Variants in PCDH9 observed in about 807,000 individuals in gnomAD.
PCDH9 encodes the protein protocadherin-9.
In PCDH9, 24 loss-of-function variants were observed where a neutral mutation model predicts 70.6. The ratio of observed to expected loss-of-function variants is 0.34; its 90% CI spans 0.25 to 0.48. The LOEUF (loss-of-function observed/expected upper bound fraction) is 0.48, where lower values mean the gene tolerates loss of function less well. Among genes scored for constraint, PCDH9 ranks in the 20% least tolerant of loss-of-function variants. The pLI is 0.99. For missense variants in PCDH9, 1,281 were observed against 1,503.6 expected (o/e 0.85, Z 2.45); for synonymous variants, 562 against 558.5 (o/e 1.01, Z -0.09).
At chr13:67,210,747 G>C (rs566613503) in intron 2 of PCDH9, 1 of 152,098 alleles carries the variant, frequency 6.6e-6, no homozygotes, top group East Asian at 1.9e-4. Context: ...TAGCCAAAAA[G>C]AGAGAAAATA....
intron 2 of PCDH9, among the ~76,000 whole-genome samples, chr13:67,140,978 C>A (rs1178887397): frequency 6.6e-6 from 1 of 151,914 alleles, no homozygotes; most frequent in Non-Finnish European, 1.5e-5. Context: ...GTAATATTTA[C>A]TCTCTTGCTA....
intron 4 of PCDH9, among the ~76,000 whole-genome samples, chr13:66,622,105 G>A (rs927620599): frequency 5.9e-5 from 9 of 152,244 alleles, no homozygotes; most frequent in Non-Finnish European, 8.8e-5. Flanking sequence ...AGCGGCTGCA[G>A]AGTGTGTACT....
intron 3 of PCDH9, among the ~76,000 whole-genome samples, chr13:66,870,242 G>T (rs542168458): frequency 2.6e-5 from 4 of 152,202 alleles, no homozygotes; most frequent in South Asian, 2.1e-4. Flanking sequence ...TAGATATGCG[G>T]TGTTATTTCT....
chr13:66,337,101 G>A (rs1174856785), intron 4 of PCDH9, among the ~76,000 whole-genome samples: 1 of 151,848 alleles, frequency 6.6e-6, no homozygotes, highest in African/African-American at 2.4e-5. Context: ...TAAGTAGATG[G>A]TGTGATGAGT....
intron 2 of PCDH9, among the ~76,000 whole-genome samples, chr13:67,101,233 T>C (rs1287658481): frequency 6.6e-6 from 1 of 152,226 alleles, no homozygotes; most frequent in East Asian, 1.9e-4. Flanking sequence ...AATCTGATTA[T>C]AAGTCCATAT....
At chr13:66,449,284 TC>T (rs1201131427) in intron 4 of PCDH9, among the ~76,000 whole-genome samples, 2 of 152,212 alleles carry the variant, frequency 1.3e-5, no homozygotes, top group African/African-American at 4.8e-5. Context: ...GAATATCATT[TC>T]AGGATTAAAT....
At chr13:67,097,323 A>G (rs537828445) in intron 2 of PCDH9, among the ~76,000 whole-genome samples, 1 of 152,224 alleles carries the variant, frequency 6.6e-6, no homozygotes, top group East Asian at 1.9e-4. Flanking sequence ...ACTAAAAGCT[A>G]TCCTGTTAAT....
chr13:66,722,099 G>A (rs1339387093), intron 3 of PCDH9, among the ~76,000 whole-genome samples: 1 of 152,152 alleles, frequency 6.6e-6, no homozygotes, highest in East Asian at 1.9e-4. Context: ...GCAGTACTTA[G>A]AGTGACCTAG....
intron 4 of PCDH9, among the ~76,000 whole-genome samples, chr13:66,590,028 A>C (rs9540833): frequency 0.75 from 113,237 of 151,832 alleles, 43,645 homozygotes; most frequent in East Asian, 0.91. Context: ...GTCATGAACC[A>C]ATTGGCTGCC....
At chr13:66,328,798 A>T (rs905898731) in intron 4 of PCDH9, among the ~76,000 whole-genome samples, 2 of 152,144 alleles carry the variant, frequency 1.3e-5, no homozygotes, top group African/African-American at 4.8e-5. Flanking sequence ...TTAGACAAAG[A>T]TATTGAATTG....
At chr13:66,440,881 C>T (rs2138400830) in intron 4 of PCDH9, among the ~76,000 whole-genome samples, 1 of 152,152 alleles carries the variant, frequency 6.6e-6, no homozygotes, top group South Asian at 2.1e-4. Context: ...GAGACTGTAC[C>T]TGTCTTGTTT....
intron 2 of PCDH9, among the ~76,000 whole-genome samples, chr13:67,163,047 G>A (rs1171298483): frequency 1.3e-5 from 2 of 152,148 alleles, no homozygotes; most frequent in East Asian, 3.8e-4. Flanking sequence ...TATATAGATA[G>A]TAACACTTTT....
chr13:66,728,861 A>G (rs997886229), intron 3 of PCDH9, among the ~76,000 whole-genome samples: 1 of 151,960 alleles, frequency 6.6e-6, no homozygotes, highest in African/African-American at 2.4e-5. Context: ...TTTTTAATTC[A>G]CTTTATGTGT....
chr13:66,475,263 C>T (rs763504310), intron 4 of PCDH9, among the ~76,000 whole-genome samples: 2 of 152,042 alleles, frequency 1.3e-5, no homozygotes, highest in Non-Finnish European at 2.9e-5. Flanking sequence ...GTATAAAGCA[C>T]ACTTGCTGGC....
chr13:67,194,384 T>C (rs1279161203), intron 2 of PCDH9, among the ~76,000 whole-genome samples: 1 of 151,736 alleles, frequency 6.6e-6, no homozygotes, highest in Non-Finnish European at 1.5e-5. Context: ...TTTTTTGTAT[T>C]TGATTTTCCA....
chr13:67,031,345 C>G (rs2084902188), intron 2 of PCDH9, among the ~76,000 whole-genome samples: 1 of 152,076 alleles, frequency 6.6e-6, no homozygotes, highest in Non-Finnish European at 1.5e-5. Flanking sequence ...AATTCTTTTC[C>G]TACCTGTAAA....
chr13:67,087,823 C>A (rs1382700409), intron 2 of PCDH9, among the ~76,000 whole-genome samples: 2 of 151,992 alleles, frequency 1.3e-5, no homozygotes, highest in Non-Finnish European at 2.9e-5. Context: ...GCTTCTGTAG[C>A]AACAGAACAA....
chr13:66,585,749 C>A (rs2138797057), intron 4 of PCDH9, among the ~76,000 whole-genome samples: 1 of 152,114 alleles, frequency 6.6e-6, no homozygotes, highest in African/African-American at 2.4e-5. Flanking sequence ...CTTTTTCTTT[C>A]TTTCTTTCTT....
rs190506960 is a variant in PCDH9 at position 67,212,457 on chromosome 13, C to T, written c.3036+12948G>A. On this transcript the variant is annotated intron_variant, in intron 2 of 4. Coordinates refer to ENST00000377865, the MANE Select transcript of PCDH9 (RefSeq NM_203487.3). ...ATTTTTTTTATCTTAAAAAAAATTT[C>T]CTATTGTCTAATGCTGTTCCTGGAT... 7.2e-5 allele frequency: 11 copies of T among 151,938 alleles called. No homozygotes were observed. The East Asian group carries it at 1.7e-3, about 24-fold the overall frequency. The allele number at this position is 151,938 out of a possible 1,614,324, so 9.4% of individuals were successfully genotyped here. A position where few individuals can be genotyped will look rare whatever the true frequency, so the allele number is the denominator to read the frequency against.
Sources: allele counts gnomAD v4.1 joint callset (sites outside exome capture counted in the v4.1 genomes callset), GRCh38; gene constraint gnomAD v4.1.1; transcripts MANE v1.5; gene names NCBI Gene and HGNC (gene_info 2026-07-23, HGNC 2026-07-21).